The following ROBO1 variants were observed in gnomAD, a reference collection of about 807,000 sequenced individuals.
ROBO1 encodes roundabout homolog 1.
In ROBO1, 149 loss-of-function variants were observed where a neutral mutation model predicts 195.9. The observed-to-expected ratio is 0.76, with a 90% CI of 0.67 to 0.87. The LOEUF (loss-of-function observed/expected upper bound fraction) is 0.87, where lower values mean the gene tolerates loss of function less well. ROBO1 is among the 40% of genes least tolerant of loss of function. ROBO1 has a pLI of 0.00. For synonymous variants in ROBO1, 816 were observed against 733.2 expected (o/e 1.11, Z -1.82); for missense variants, 1,933 against 2,068.3 (o/e 0.93, Z 1.27).
At chr3:79,605,842 C>T (rs1277103607) in intron 1 of ROBO1, among the ~76,000 whole-genome samples, 2 of 151,846 alleles carry the variant, frequency 1.3e-5, no homozygotes, top group African/African-American at 4.8e-5. Flanking sequence ...CTAACCAGTT[C>T]CTCCATTCCA....
At chr3:78,860,622 T>G (rs1054767096) in intron 4 of ROBO1, among the ~76,000 whole-genome samples, 42 of 152,098 alleles carry the variant, frequency 2.8e-4, no homozygotes, top group African/African-American at 9.4e-4. Context: ...AAACCAGTAC[T>G]GGGCCGTCAG....
intron 1 of ROBO1, among the ~76,000 whole-genome samples, chr3:79,667,083 G>C (rs1255718353): frequency 6.6e-6 from 1 of 151,928 alleles, no homozygotes; most frequent in African/African-American, 2.4e-5. Flanking sequence ...GATTCGGCCA[G>C]TGAGTAGATT....
chr3:78,928,638 C>T (rs551096483), intron 4 of ROBO1, among the ~76,000 whole-genome samples: 105 of 152,264 alleles, frequency 6.9e-4, no homozygotes, highest in African/African-American at 2.4e-3. Context: ...CAGTTATTGA[C>T]TCTTTACTGG....
At chr3:79,309,927 C>T (rs2033403209) in intron 2 of ROBO1, among the ~76,000 whole-genome samples, 1 of 152,142 alleles carries the variant, frequency 6.6e-6, no homozygotes, top group African/African-American at 2.4e-5. Context: ...TTAGATACAA[C>T]TCTGAATCAT....
chr3:79,082,288 T>C lies in ROBO1; in HGVS notation c.172+43168A>G, dbSNP rs188277118. The stretch of plus-strand genomic sequence containing the variant: ...AGTCAATCCATCTATATACTGGAAA[T>C]TTGCCATCCAGAAAAGTCATATATT... On this transcript the variant is annotated intron_variant, in intron 3 of 30. Coordinates refer to ENST00000464233, the MANE Select transcript of ROBO1 (RefSeq NM_002941.4). 7.5e-4 allele frequency among the ~76,000 whole-genome samples: 114 copies of C among 152,234 alleles called. 1 individual carries two copies. Among genetic ancestry groups the C allele is most frequent in the Admixed American group, 2.5e-3 (38 of 15,280 alleles).
intron 2 of ROBO1, among the ~76,000 whole-genome samples, chr3:79,299,191 A>G (rs1007362524): frequency 4.6e-5 from 7 of 152,330 alleles, no homozygotes; most frequent in South Asian, 2.1e-4. Context: ...ATTGAAGTTT[A>G]CATCGCATTT....
chr3:79,204,940 AT>A (rs2081839060), intron 2 of ROBO1, among the ~76,000 whole-genome samples: 1 of 150,276 alleles, frequency 6.7e-6, no homozygotes, highest in Non-Finnish European at 1.5e-5. Context: ...TTTTAACTTT[AT>A]TTTTCTCGCT....
chr3:79,618,897 T>G (rs762748175), intron 1 of ROBO1, among the ~76,000 whole-genome samples: 5 of 152,126 alleles, frequency 3.3e-5, no homozygotes, highest in Non-Finnish European at 7.4e-5. Context: ...ATTTTTCCTC[T>G]CTGGAAGAGA....
At chr3:79,724,693 A>T (rs1702842903) in intron 1 of ROBO1, among the ~76,000 whole-genome samples, 1 of 152,190 alleles carries the variant, frequency 6.6e-6, no homozygotes, top group Non-Finnish European at 1.5e-5. Flanking sequence ...TTTAGATACG[A>T]CCTTGATTGC....
At chr3:79,340,533 C>G (rs1310772774) in intron 2 of ROBO1, among the ~76,000 whole-genome samples, 1 of 152,128 alleles carries the variant, frequency 6.6e-6, no homozygotes, top group East Asian at 1.9e-4. Flanking sequence ...GCCAGACCCC[C>G]ATGAGTGGAC....
chr3:79,503,730 A>G (rs908374803), intron 2 of ROBO1, among the ~76,000 whole-genome samples: 1 of 152,330 alleles, frequency 6.6e-6, no homozygotes, highest in East Asian at 1.9e-4. Flanking sequence ...TTTTCAGTCT[A>G]CTATATAAAA....
chr3:79,438,976 C>G (rs1176568424), intron 2 of ROBO1, among the ~76,000 whole-genome samples: 1 of 151,996 alleles, frequency 6.6e-6, no homozygotes, highest in Non-Finnish European at 1.5e-5. Flanking sequence ...TGCTCATTGT[C>G]ACCACAATCT....
chr3:78,964,674 A>G (rs1275018050), intron 3 of ROBO1, among the ~76,000 whole-genome samples: 2 of 152,166 alleles, frequency 1.3e-5, no homozygotes, highest in African/African-American at 4.8e-5. Context: ...CCATCCCCAT[A>G]ATACAGGAAT....
At chr3:78,776,425 A>G (rs1313945660) in intron 4 of ROBO1, among the ~76,000 whole-genome samples, 2 of 152,076 alleles carry the variant, frequency 1.3e-5, no homozygotes, top group African/African-American at 2.4e-5. Flanking sequence ...CTAATTGTGT[A>G]GTTTTAGTAG....
intron 4 of ROBO1, among the ~76,000 whole-genome samples, chr3:78,806,953 G>A (rs112226733): frequency 0.03 from 4,624 of 151,892 alleles, 190 homozygotes; most frequent in African/African-American, 0.095. Context: ...GATTACAGGC[G>A]TACACCACCA....
At chr3:79,004,442 C>T (rs964879512) in intron 3 of ROBO1, among the ~76,000 whole-genome samples, 2 of 152,110 alleles carry the variant, frequency 1.3e-5, no homozygotes, top group African/African-American at 2.4e-5. Flanking sequence ...TAACTAGACA[C>T]AGACTCTCGT....
intron 2 of ROBO1, among the ~76,000 whole-genome samples, chr3:79,483,105 C>T (rs1225532360): frequency 2.0e-5 from 3 of 152,180 alleles, no homozygotes; most frequent in Non-Finnish European, 2.9e-5. Context: ...ATATAAACTT[C>T]CACTTTGTTT....
Position 78,597,747 on chromosome 3 carries a change from T to TAAGA in ROBO1, c.*1162_*1165dup, listed in dbSNP as rs1422726229. ...TTTTTTTCTTTAAGTCCAGGAAAAG[T>TAAGA]AAGAACCATTTGGTTCATGGCCCAC... On this transcript the variant is annotated 3_prime_UTR_variant, in exon 31 of 31. Transcript: ENST00000464233. The TAAGA allele has an allele frequency of 6.6e-6, 1 of 152,460 alleles. No individual in the cohort carries two copies. The highest frequency in any genetic ancestry group is 2.4e-5 in the African/African-American group (1 of 41,404). 9.4% of individuals were successfully genotyped at this position (152,460 alleles called of 1,614,324 possible).
At chr3:79,209,935 T>C (rs528831819) in intron 2 of ROBO1, among the ~76,000 whole-genome samples, 4 of 152,212 alleles carry the variant, frequency 2.6e-5, no homozygotes, top group South Asian at 4.1e-4. Context: ...CAATCCCCTT[T>C]TTTAACAGCT....
Sources: gnomAD v4.1 joint callset for allele counts (sites outside exome capture counted in the v4.1 genomes callset) on GRCh38, gnomAD v4.1.1 for gene constraint, MANE v1.5 for transcripts, NCBI Gene and HGNC (gene_info 2026-07-23, HGNC 2026-07-21) for gene names.